SKAP1: variants seen among roughly 807,000 people sequenced by gnomAD.
SKAP1 encodes the protein src kinase associated phosphoprotein 1.
SKAP1 carries 44 observed loss-of-function variants against 58.5 expected under a neutral mutation model. The ratio of observed to expected loss-of-function variants is 0.75; its 90% confidence interval spans 0.59 to 0.97. SKAP1 has a LOEUF of 0.97. Ranked by LOEUF, SKAP1 falls within the 50% of genes least tolerant of loss-of-function variation. The probability of loss-of-function intolerance (pLI) is 0.00; values close to 1 mark genes in which losing one functional copy is unlikely to be tolerated. For missense variants in SKAP1, 390 were observed against 435.2 expected, an observed-to-expected ratio of 0.90 and a Z score of 0.92; for synonymous variants, 127 against 149.7, an observed-to-expected ratio of 0.85 and a Z score of 1.11.
chr17:48,364,305 G>A (rs1365026807), intron 2 of SKAP1, among the ~76,000 whole-genome samples: 1 of 152,110 alleles, frequency 6.6e-6, no homozygotes, highest in Non-Finnish European at 1.5e-5. Context: ...CCAGGCTGGA[G>A]TACAGTGACA....
chr17:48,330,265 A>G (rs1483649525), intron 4 of SKAP1, among the ~76,000 whole-genome samples: 1 of 152,060 alleles, frequency 6.6e-6, no homozygotes, highest in Non-Finnish European at 1.5e-5. Context: ...ATTTTATATG[A>G]GAGGGGAAAA....
At chr17:48,402,650 G>A (rs1056215494) in intron 1 of SKAP1, among the ~76,000 whole-genome samples, 5 of 152,150 alleles carry the variant, frequency 3.3e-5, no homozygotes, top group African/African-American at 1.2e-4. Context: ...ATTCTTAATA[G>A]CTAAAAAGTG....
At chr17:48,178,840 A>C (rs532001989) in intron 9 of SKAP1, among the ~76,000 whole-genome samples, 2 of 152,344 alleles carry the variant, frequency 1.3e-5, no homozygotes, top group African/African-American at 4.8e-5. Context: ...AAACACAACA[A>C]AAAGGCTGGA....
chr17:48,200,055 C>T (rs773727161), intron 4 of SKAP1, among the ~76,000 whole-genome samples: 7 of 151,736 alleles, frequency 4.6e-5, no homozygotes, highest in East Asian at 1.9e-4. Flanking sequence ...TTTGGGAGGC[C>T]GAGGTGGGCA....
At chr17:48,233,558 T>C (rs933745492) in intron 4 of SKAP1, among the ~76,000 whole-genome samples, 4 of 149,980 alleles carry the variant, frequency 2.7e-5, no homozygotes, top group African/African-American at 1.0e-4. Context: ...AAAATATGGG[T>C]AAAATAAGAT....
At chr17:48,419,573 A>C (rs918121245) in intron 1 of SKAP1, among the ~76,000 whole-genome samples, 30 of 152,100 alleles carry the variant, frequency 2.0e-4, no homozygotes, top group African/African-American at 7.2e-4. Flanking sequence ...GTGAGCCACC[A>C]TGCCCGGCCA....
At chr17:48,427,849 C>T (rs1245990475) in intron 1 of SKAP1, among the ~76,000 whole-genome samples, 1 of 151,954 alleles carries the variant, frequency 6.6e-6, no homozygotes. Context: ...CTCCCTCCCA[C>T]AGAGTGACTA....
At chr17:48,186,574 C>T (rs2064456117) in intron 6 of SKAP1, among the ~76,000 whole-genome samples, 1 of 152,038 alleles carries the variant, frequency 6.6e-6, no homozygotes, top group African/African-American at 2.4e-5. Context: ...CAACCTCCAC[C>T]TCCTGGGTTC....
intron 4 of SKAP1, among the ~76,000 whole-genome samples, chr17:48,323,006 G>C (rs1367967766): frequency 1.3e-5 from 2 of 152,026 alleles, no homozygotes; most frequent in African/African-American, 4.8e-5. Flanking sequence ...TAAGGCAGGA[G>C]AATTGCTTGA....
chr17:48,208,321 G>A (rs906487262), intron 4 of SKAP1, among the ~76,000 whole-genome samples: 4 of 152,152 alleles, frequency 2.6e-5, no homozygotes, highest in African/African-American at 7.2e-5. Context: ...CTTGCCCAAG[G>A]GACCTGTGAG....
At chr17:48,364,410 C>T (rs999551032) in intron 2 of SKAP1, among the ~76,000 whole-genome samples, 4 of 152,174 alleles carry the variant, frequency 2.6e-5, no homozygotes, top group Admixed American at 2.6e-4. Context: ...GGTGTGGTGG[C>T]TCACGCCTGT....
At position 48,279,595 on chromosome 17, in the gene SKAP1, A is replaced by G. The variant is rs567915285; in HGVS notation, c.280+66310T>C. Among the ~76,000 whole-genome samples, 286 of 152,294 alleles carry G rather than the reference A, an allele frequency of 1.9e-3. 1 individual carries two copies. The highest frequency in any genetic ancestry group is 5.0e-3 in the Admixed American group (76 of 15,294). On this transcript the variant is annotated intron_variant, in intron 4 of 12. Coordinates refer to ENST00000336915, the MANE Select transcript of SKAP1 (RefSeq NM_003726.4). Reference sequence around the variant, plus strand: ...GACCATTTGTCAGGTTTTTTAATGGAAAAAAATGAATTTTTTTCTAAAAGC... The same window carrying G: ...GACCATTTGTCAGGTTTTTTAATGGGAAAAAATGAATTTTTTTCTAAAAGC...
chr17:48,143,940 G>A (rs1050887997), intron 11 of SKAP1, among the ~76,000 whole-genome samples: 1 of 152,134 alleles, frequency 6.6e-6, no homozygotes, highest in Non-Finnish European at 1.5e-5. Flanking sequence ...ACTCGAAGAG[G>A]GTGCGAACAG....
At chr17:48,193,698 T>C (rs983642636) in intron 4 of SKAP1, 5 of 984,828 alleles carry the variant, frequency 5.1e-6, no homozygotes, top group Non-Finnish European at 6.0e-6. Context: ...CAAGAACTAG[T>C]GATCCTGAGG....
intron 2 of SKAP1, among the ~76,000 whole-genome samples, chr17:48,392,433 T>G (rs2067360441): frequency 6.6e-6 from 1 of 152,188 alleles, no homozygotes; most frequent in Admixed American, 6.5e-5. Context: ...CATTACTAAG[T>G]TTCACAGAAG....
chr17:48,377,211 T>C (rs191879062), intron 2 of SKAP1: 2 of 152,278 alleles, frequency 1.3e-5, no homozygotes, highest in Admixed American at 1.3e-4. Context: ...GGAAAAAGGT[T>C]GCTGATGTGG....
At chr17:48,438,583 C>A in the SKAP1 span, among the ~76,000 whole-genome samples, 2 of 152,118 alleles carry the variant, frequency 1.3e-5, no homozygotes, top group Non-Finnish European at 2.9e-5. Flanking sequence ...ATCAGATTCT[C>A]CCCACCCACC....
At chr17:48,341,281 A>G (rs1207840671) in intron 4 of SKAP1, among the ~76,000 whole-genome samples, 1 of 152,216 alleles carries the variant, frequency 6.6e-6, no homozygotes, top group Non-Finnish European at 1.5e-5. Flanking sequence ...TCTGGCTACA[A>G]TAATTTAATC....
chr17:48,330,916 G>A (rs1480129318), intron 4 of SKAP1, among the ~76,000 whole-genome samples: 16 of 152,110 alleles, frequency 1.1e-4, no homozygotes, highest in African/African-American at 2.4e-4. Context: ...TTCTGTTATC[G>A]TTGAGCATGA....
Sources: allele counts gnomAD v4.1 joint callset (sites outside exome capture counted in the v4.1 genomes callset), GRCh38; gene constraint gnomAD v4.1.1; transcripts MANE v1.5; gene names NCBI Gene and HGNC (gene_info 2026-07-23, HGNC 2026-07-21).